PTGES3: variants seen among roughly 807,000 people sequenced by gnomAD.
PTGES3 encodes the protein Hsp90 co-chaperone.
Under a neutral mutation model 29.9 loss-of-function variants are expected in PTGES3, and 5 were observed. That is an observed-to-expected ratio of 0.17 (90% CI 0.09 to 0.35). PTGES3 has a LOEUF of 0.35. Among genes scored for constraint, PTGES3 ranks in the 10% least tolerant of loss-of-function variants. The pLI, the probability that PTGES3 is intolerant of heterozygous loss-of-function variation, is 1.00. For synonymous variants in PTGES3, 49 were observed against 57.8 expected (o/e 0.85, Z 0.69); for missense variants, 128 against 190.0 (o/e 0.67, Z 1.92).
In PTGES3 at chr12:56,680,508, C is replaced by T. The variant is rs191076724; in HGVS notation, c.3-7443G>A. Among the ~76,000 whole-genome samples the T allele has an allele frequency of 3.2e-3, 481 of 152,212 alleles. 2 individuals carry two copies. Among genetic ancestry groups the T allele is most frequent in the South Asian group, 9.3e-3 (45 of 4,828 alleles). The stretch of plus-strand genomic sequence containing the variant: ...TCAAGCGACTATCCTGCCTCAGCCT[C>T]CCAAGTAGCTGGGGTTACAGGCATG... On this transcript the variant is annotated intron_variant, in intron 1 of 7. Transcript: ENST00000262033.
chr12:56,667,539 C>T (rs191313851), intron 5 of PTGES3, among the ~76,000 whole-genome samples: 4 of 152,218 alleles, frequency 2.6e-5, no homozygotes, highest in East Asian at 1.9e-4. Flanking sequence ...ATCTGAAGCA[C>T]GTCATGCTAT....
In PTGES3 at chr12:56,672,714, T is replaced by C. The variant is rs77696284; in HGVS notation, c.186+26A>G. The C allele has an allele frequency of 2.5e-4, 376 of 1,517,942 alleles. No individual in the cohort carries two copies. In the African/African-American group the frequency reaches 4.9e-3, roughly 20 times the overall value. 94.0% of individuals were successfully genotyped at this position (1,517,942 alleles called of 1,614,324 possible). On this transcript the variant is annotated intron_variant, in intron 3 of 7. Coordinates refer to ENST00000262033, the MANE Select transcript of PTGES3 (RefSeq NM_006601.7). ...TGTCTGTTTCCTCACAACTAAAATTTGGATTAAAGCATAAAGACTACTTAC... is the reference window on the plus strand; with the variant it reads ...TGTCTGTTTCCTCACAACTAAAATTCGGATTAAAGCATAAAGACTACTTAC...
At chr12:56,683,515 G>C (rs1347487267) in intron 1 of PTGES3, among the ~76,000 whole-genome samples, 1 of 131,164 alleles carries the variant, frequency 7.6e-6, no homozygotes, top group African/African-American at 2.7e-5. Flanking sequence ...GCCAGGCATG[G>C]CGGCAGGCAC....
chr12:56,671,900 T>G, intron 3 of PTGES3, 53 bp from the exon 4 acceptor site: 1 of 1,105,370 alleles, frequency 9.0e-7, no homozygotes, highest in Non-Finnish European at 1.3e-6. Context: ...CACTACATGA[T>G]AGAAAATAGC....
chr12:56,686,834 A>T (rs1211662832), intron 1 of PTGES3: 2 of 398,266 alleles, frequency 5.0e-6, no homozygotes, highest in Admixed American at 8.8e-5. Flanking sequence ...ACTCAGCCTC[A>T]GTATCATGAC....
intron 1 of PTGES3, among the ~76,000 whole-genome samples, chr12:56,675,259 C>T (rs1457374499): frequency 1.3e-5 from 2 of 151,280 alleles, no homozygotes; most frequent in African/African-American, 2.4e-5. Flanking sequence ...AAGATCACGC[C>T]ACTGCACTCT....
rs1197149806 is a variant in PTGES3, at chr12:56,687,983, G to C, written c.2+15C>G. On this transcript the variant is annotated intron_variant, in intron 1 of 7. Transcript: ENST00000262033. Reference sequence around the variant, plus strand: ...CTCACTCGGCGACCTTCCCTCGGCGGGGTGTCGCACTCACATTGTGAACGG... The same window carrying C: ...CTCACTCGGCGACCTTCCCTCGGCGCGGTGTCGCACTCACATTGTGAACGG... 4 of 1,600,614 alleles carry C rather than the reference G, an allele frequency of 2.5e-6. No homozygotes were observed. The highest frequency in any genetic ancestry group is 3.4e-6 in the Non-Finnish European group (4 of 1,174,622).
chr12:56,669,333 C>G (rs543678189), intron 5 of PTGES3, among the ~76,000 whole-genome samples: 1 of 152,300 alleles, frequency 6.6e-6, no homozygotes, highest in East Asian at 1.9e-4. Context: ...GCTGGAATCA[C>G]AGGCATGCAC....
intron 1 of PTGES3, among the ~76,000 whole-genome samples, chr12:56,681,056 G>C (rs899213364): frequency 6.6e-6 from 1 of 152,124 alleles, no homozygotes; most frequent in Admixed American, 6.6e-5. Flanking sequence ...ACAGGTGTGA[G>C]TCACCATACC....
chr12:56,680,147 C>G (rs1436194946), intron 1 of PTGES3, among the ~76,000 whole-genome samples: 1 of 151,078 alleles, frequency 6.6e-6, no homozygotes, highest in East Asian at 1.9e-4. Flanking sequence ...TCACAGCTCA[C>G]TGCAATCTTC....
At position 56,666,087 on chromosome 12, in the gene PTGES3, C is replaced by CT. The variant is rs542812831; in HGVS notation, c.438+116dup. 1,588 of 1,380,520 alleles carry CT rather than the reference C, an allele frequency of 1.2e-3. 1 individual carries two copies. Among genetic ancestry groups the CT allele is most frequent in the Admixed American group, 3.2e-3 (100 of 30,774 alleles). The allele number at this position is 1,380,520 out of a possible 1,614,324, so 85.5% of individuals were successfully genotyped here. On this transcript the variant is annotated intron_variant, in intron 6 of 7. Transcript: ENST00000262033. ...ATTTTAAAAATTGCTTTTCCCTTTT[C>CT]TTTTTTTTTAGAAAATAAGAAGTAA...
intron 5 of PTGES3, among the ~76,000 whole-genome samples, chr12:56,668,505 G>C (rs928264369): frequency 1.3e-5 from 2 of 152,240 alleles, no homozygotes; most frequent in Non-Finnish European, 2.9e-5. Flanking sequence ...TTGGGAAGCT[G>C]AGGCAGGAGG....
At chr12:56,670,181 G>T in intron 5 of PTGES3, 94 bp downstream of exon 5, 1 of 781,162 alleles carries the variant, frequency 1.3e-6, no homozygotes, top group Non-Finnish European at 2.2e-6. Context: ...CATGCATCAT[G>T]AATACCATTA....
At chr12:56,675,574 A>G (rs965854718) in intron 1 of PTGES3, among the ~76,000 whole-genome samples, 2 of 151,730 alleles carry the variant, frequency 1.3e-5, no homozygotes, top group Non-Finnish European at 2.9e-5. Context: ...TGTGGCCTGC[A>G]AAGCTGAATA....
intron 1 of PTGES3, among the ~76,000 whole-genome samples, chr12:56,678,230 T>C (rs879028487): frequency 6.6e-5 from 10 of 152,154 alleles, no homozygotes; most frequent in Non-Finnish European, 1.3e-4. Flanking sequence ...CAGGTTGGAG[T>C]GCAGTGGCGT....
At chr12:56,676,232 C>CCAAA (rs372309759) in intron 1 of PTGES3, among the ~76,000 whole-genome samples, 1 of 129,956 alleles carries the variant, frequency 7.7e-6, no homozygotes, top group Non-Finnish European at 1.6e-5. Flanking sequence ...TCTCCCCCCC[C>CCAAA]AAAAAAAAAA....
intron 1 of PTGES3, among the ~76,000 whole-genome samples, chr12:56,684,671 A>G (rs7962829): frequency 9.3e-4 from 142 of 152,334 alleles, no homozygotes; most frequent in Non-Finnish European, 1.5e-3. Context: ...CTCTATTTTT[A>G]ATCGGTCGAA....
rs1261662146 is a variant in PTGES3, at chr12:56,687,668, C to A, written c.2+330G>T. On this transcript the variant is annotated intron_variant, in intron 1 of 7. Transcript: ENST00000262033. ...ACCCACGAAGGTTCACGCTTCAGGG[C>A]GCCGCATGGCGAGCAGCTACCGGGA... 7.2e-6 allele frequency: 9 copies of A among 1,251,372 alleles called. No homozygotes were observed. In the African/African-American group the frequency reaches 9.5e-5, roughly 13 times the overall value. 77.5% of individuals were successfully genotyped at this position (1,251,372 alleles called of 1,614,324 possible).
At chr12:56,683,999 A>G (rs1197742895) in intron 1 of PTGES3, among the ~76,000 whole-genome samples, 1 of 151,952 alleles carries the variant, frequency 6.6e-6, no homozygotes, top group East Asian at 1.9e-4. Flanking sequence ...AAAAACCCCA[A>G]AACTGTAATT....
Sources: gnomAD v4.1 joint callset for allele counts (sites outside exome capture counted in the v4.1 genomes callset) on GRCh38, gnomAD v4.1.1 for gene constraint, MANE v1.5 for transcripts, NCBI Gene and HGNC (gene_info 2026-07-23, HGNC 2026-07-21) for gene names.